RARB: variants seen among roughly 807,000 people sequenced by gnomAD.
The protein encoded by RARB is HBV-activated protein.
Under a neutral mutation model 51.9 loss-of-function variants are expected in RARB, and 17 were observed. That is an observed-to-expected ratio of 0.33 (90% CI 0.22 to 0.49). The LOEUF is 0.49. Among genes scored for constraint, RARB ranks in the 20% least tolerant of loss-of-function variants. The pLI is 0.99. For missense variants in RARB, 369 were observed against 550.8 expected (o/e 0.67, Z 3.30); for synonymous variants, 215 against 195.4 (o/e 1.10, Z -0.84).
chr3:25,387,862 C>A (rs189309145), intron 5 of RARB, among the ~76,000 whole-genome samples: 323 of 151,740 alleles, frequency 2.1e-3, no homozygotes, highest in African/African-American at 7.5e-3. Flanking sequence ...CCAGCTTTAT[C>A]CTTAGGGAAT....
chr3:25,067,044 C>T (rs1698677377), intron 3 of RARB, among the ~76,000 whole-genome samples: 1 of 152,170 alleles, frequency 6.6e-6, no homozygotes. Flanking sequence ...ATTGAAAGCA[C>T]ATAGCTGAGA....
chr3:24,892,043 G>C (rs1703391135), intron 2 of RARB, among the ~76,000 whole-genome samples: 1 of 152,098 alleles, frequency 6.6e-6, no homozygotes, highest in African/African-American at 2.4e-5. Flanking sequence ...AGTTAGACTT[G>C]TGAGGGAATA....
At chr3:25,019,530 T>C (rs1463691547) in intron 2 of RARB, among the ~76,000 whole-genome samples, 1 of 152,152 alleles carries the variant, frequency 6.6e-6, no homozygotes, top group African/African-American at 2.4e-5. Flanking sequence ...TAATTCTTTG[T>C]AGCTCAAGGT....
intron 3 of RARB, among the ~76,000 whole-genome samples, chr3:25,567,325 G>A (rs375078023): frequency 6.6e-5 from 10 of 152,046 alleles, no homozygotes; most frequent in African/African-American, 1.9e-4. Flanking sequence ...ACTTGCCCCC[G>A]TACCTGACAG....
intron 5 of RARB, among the ~76,000 whole-genome samples, chr3:25,369,231 A>G (rs148982978): frequency 4.9e-4 from 75 of 152,300 alleles, no homozygotes; most frequent in African/African-American, 1.7e-3. Flanking sequence ...ATTTTTGAGC[A>G]CTTATTTTAT....
intron 2 of RARB, among the ~76,000 whole-genome samples, chr3:25,035,447 T>C (rs1032405707): frequency 5.5e-5 from 6 of 108,394 alleles, no homozygotes; most frequent in South Asian, 3.3e-4. Context: ...TTTTTTTTTT[T>C]CTCTCAAGGT....
chr3:25,479,196 A>C (rs1190102701), intron 2 of RARB, among the ~76,000 whole-genome samples: 1 of 152,056 alleles, frequency 6.6e-6, no homozygotes, highest in Non-Finnish European at 1.5e-5. Context: ...ATTTTCGTGA[A>C]GTACAGTGTG....
At position 25,464,189 on chromosome 3, in the gene RARB, C is replaced by T. The variant is rs192083196; in HGVS notation, c.306+2848C>T. Among the ~76,000 whole-genome samples the T allele has an allele frequency of 2.9e-3, 448 of 152,202 alleles. 4 individuals carry two copies. The highest frequency in any genetic ancestry group is 1.7e-3 in the Non-Finnish European group (118 of 68,016). On this transcript the variant is annotated intron_variant, in intron 2 of 7. Coordinates refer to ENST00000330688, the MANE Select transcript of RARB (RefSeq NM_000965.5). ...CTGAGTGAGGTATGCTGTAACTCAG[C>T]GTACCTGCTCTCATCATTATCCAAC...
chr3:24,956,278 G>C (rs1213032645), intron 2 of RARB, among the ~76,000 whole-genome samples: 1 of 152,146 alleles, frequency 6.6e-6, no homozygotes, highest in African/African-American at 2.4e-5. Flanking sequence ...ACATTTCCAG[G>C]TCTCAGTTTT....
At chr3:25,043,279 G>A (rs1698148870) in intron 2 of RARB, among the ~76,000 whole-genome samples, 1 of 152,040 alleles carries the variant, frequency 6.6e-6, no homozygotes, top group African/African-American at 2.4e-5. Context: ...TTATTTAGCA[G>A]TCACATAAAA....
chr3:25,039,202 C>G (rs758641248), intron 2 of RARB, among the ~76,000 whole-genome samples: 1 of 152,088 alleles, frequency 6.6e-6, no homozygotes, highest in Non-Finnish European at 1.5e-5. Context: ...TAGAGGGATA[C>G]GTATGAAACA....
At chr3:25,580,471 G>A in intron 4 of RARB, 75 bp from the exon 5 acceptor site, 1 of 1,355,614 alleles carries the variant, frequency 7.4e-7, no homozygotes, top group East Asian at 2.4e-5. Context: ...CCTCTAATTG[G>A]AAACACATTG....
intron 5 of RARB, among the ~76,000 whole-genome samples, chr3:25,328,387 G>A (rs1316420677): frequency 1.3e-5 from 2 of 152,362 alleles, no homozygotes; most frequent in East Asian, 1.9e-4. Context: ...GAGCATGGTG[G>A]TGCACACCTG....
At chr3:25,339,634 A>T (rs1205392431) in intron 5 of RARB, among the ~76,000 whole-genome samples, 2 of 151,364 alleles carry the variant, frequency 1.3e-5, no homozygotes, top group Non-Finnish European at 1.5e-5. Context: ...CATTTCCCCC[A>T]AAAAAAGGCA....
intron 2 of RARB, among the ~76,000 whole-genome samples, chr3:24,994,559 A>G (rs1696981312): frequency 6.6e-6 from 1 of 152,038 alleles, no homozygotes. Flanking sequence ...CTTACTCATA[A>G]AATCATTTCC....
At chr3:25,175,801 T>G (rs1559492919) in intron 5 of RARB, among the ~76,000 whole-genome samples, 1 of 152,194 alleles carries the variant, frequency 6.6e-6, no homozygotes, top group Non-Finnish European at 1.5e-5. Flanking sequence ...TTGACCCTCA[T>G]GTCTCTGGAA....
chr3:25,106,473 G>GT lies in RARB; in HGVS notation c.-327-25678dup, dbSNP rs1366761121. ...TTTGTTTTTTGTTTTTTTTTGTTTT[G>GT]TTTTTTTTTTGTAGAGACAGGGTTT... On this transcript the variant is annotated intron_variant, in intron 3 of 11. Transcript: ENST00000383772. Among the ~76,000 whole-genome samples the GT allele has an allele frequency of 5.7e-4, 64 of 111,680 alleles. 4 individuals are homozygous for GT. Among genetic ancestry groups the GT allele is most frequent in the South Asian group, 8.9e-4 (3 of 3,358 alleles). 73.3% of individuals were successfully genotyped at this position (111,680 alleles called of 152,430 possible).
At chr3:25,160,316 G>C (rs1488065226) in intron 4 of RARB, among the ~76,000 whole-genome samples, 1 of 152,186 alleles carries the variant, frequency 6.6e-6, no homozygotes, top group Admixed American at 6.5e-5. Flanking sequence ...AGGAAATGTT[G>C]CACTTTCCCA....
chr3:25,038,617 A>T (rs1005187417), intron 2 of RARB, among the ~76,000 whole-genome samples: 1 of 152,206 alleles, frequency 6.6e-6, no homozygotes, highest in Non-Finnish European at 1.5e-5. Flanking sequence ...AATTTAGCAC[A>T]CACAGTTCTG....
Sources: allele counts gnomAD v4.1 joint callset (sites outside exome capture counted in the v4.1 genomes callset), GRCh38; gene constraint gnomAD v4.1.1; transcripts MANE v1.5; gene names NCBI Gene and HGNC (gene_info 2026-07-23, HGNC 2026-07-21).